Variants in CDK14 observed in about 807,000 individuals in gnomAD.
CDK14 encodes the protein cyclin dependent kinase 14.
Under a neutral mutation model 60.7 loss-of-function variants are expected in CDK14, and 34 were observed. The observed-to-expected ratio is 0.56, with a 90% CI of 0.43 to 0.75. CDK14 has a LOEUF of 0.75. Ranked by LOEUF, CDK14 falls within the 30% of genes least tolerant of loss-of-function variation. CDK14 has a pLI of 0.00. For missense variants in CDK14, 482 were observed against 564.1 expected, an observed-to-expected ratio of 0.85 and a Z score of 1.47; for synonymous variants, 197 against 203.7, an observed-to-expected ratio of 0.97 and a Z score of 0.28.
intron 2 of CDK14, among the ~76,000 whole-genome samples, chr7:90,699,892 CA>C (rs997703181): frequency 1.3e-5 from 2 of 152,102 alleles, no homozygotes; most frequent in Admixed American, 6.5e-5. Flanking sequence ...TCATGTGCTT[CA>C]GGGGAGGACT....
At chr7:91,070,428 A>G (rs779132782) in intron 11 of CDK14, among the ~76,000 whole-genome samples, 2 of 152,208 alleles carry the variant, frequency 1.3e-5, no homozygotes, top group Non-Finnish European at 2.9e-5. Context: ...CTTAGCACAT[A>G]TTAGGAACCA....
intron 7 of CDK14, 80 bp from the exon 8 acceptor site, chr7:90,917,521 T>C: frequency 1.4e-6 from 2 of 1,383,912 alleles, no homozygotes; most frequent in South Asian, 1.5e-5. Context: ...TAAATATTAA[T>C]ACAAGTACTT....
intron 5 of CDK14, among the ~76,000 whole-genome samples, chr7:90,802,071 G>A (rs1424541250): frequency 6.6e-6 from 1 of 152,154 alleles, no homozygotes; most frequent in African/African-American, 2.4e-5. Flanking sequence ...ATAGACTGGA[G>A]GGCTGTTGCA....
intron 12 of CDK14, among the ~76,000 whole-genome samples, chr7:91,083,821 G>A (rs1026886364): frequency 1.3e-5 from 2 of 152,174 alleles, no homozygotes; most frequent in Admixed American, 1.3e-4. Flanking sequence ...GCAAGCAGGT[G>A]CCAGGAGGAC....
chr7:90,911,466 C>T (rs1375715262), intron 7 of CDK14, among the ~76,000 whole-genome samples: 4 of 152,132 alleles, frequency 2.6e-5, no homozygotes, highest in Non-Finnish European at 5.9e-5. Context: ...TTGCTAATGA[C>T]TCCTATTAGT....
intron 10 of CDK14, among the ~76,000 whole-genome samples, chr7:90,990,352 C>T (rs1294931195): frequency 6.6e-6 from 1 of 152,156 alleles, no homozygotes; most frequent in South Asian, 2.1e-4. Context: ...GAGAATTAAA[C>T]AACACCTGTT....
intron 14 of CDK14, among the ~76,000 whole-genome samples, chr7:91,150,215 CT>C: frequency 6.6e-6 from 1 of 152,164 alleles, no homozygotes; most frequent in East Asian, 1.9e-4. Context: ...GCATTTAACC[CT>C]TTTAATGCCA....
At chr7:91,135,434 T>C (rs1800250536) in intron 14 of CDK14, among the ~76,000 whole-genome samples, 1 of 152,048 alleles carries the variant, frequency 6.6e-6, no homozygotes, top group Admixed American at 6.6e-5. Flanking sequence ...AGATATTGAA[T>C]TGGAAGGCTG....
intron 8 of CDK14, among the ~76,000 whole-genome samples, chr7:90,921,305 T>C (rs1793242823): frequency 6.6e-6 from 1 of 152,120 alleles, no homozygotes; most frequent in Non-Finnish European, 1.5e-5. Flanking sequence ...CTGCCTCTCA[T>C]GTGGCTGCCT....
chr7:90,811,085 A>C (rs967662039), intron 5 of CDK14, among the ~76,000 whole-genome samples: 7 of 152,348 alleles, frequency 4.6e-5, no homozygotes, highest in African/African-American at 1.7e-4. Context: ...CAAGCTACCA[A>C]TGACTTTCTT....
chr7:90,825,506 G>A (rs1192102305), intron 5 of CDK14, among the ~76,000 whole-genome samples: 2 of 152,210 alleles, frequency 1.3e-5, no homozygotes, highest in African/African-American at 2.4e-5. Flanking sequence ...TTCAGAGCTA[G>A]AAAACATTTA....
At chr7:90,696,790 C>T (rs1474173373) in intron 2 of CDK14, among the ~76,000 whole-genome samples, 1 of 152,080 alleles carries the variant, frequency 6.6e-6, no homozygotes, top group Non-Finnish European at 1.5e-5. Flanking sequence ...AGGTCCCCAT[C>T]CTGGGACACA....
At chr7:90,942,527 T>A (rs1198228693) in intron 8 of CDK14, among the ~76,000 whole-genome samples, 2 of 152,236 alleles carry the variant, frequency 1.3e-5, no homozygotes, top group African/African-American at 4.8e-5. Context: ...TAGACTTAAA[T>A]GTTACTGCAA....
chr7:91,186,880 T>C (rs1351063398), intron 14 of CDK14, among the ~76,000 whole-genome samples: 1 of 152,166 alleles, frequency 6.6e-6, no homozygotes, highest in Non-Finnish European at 1.5e-5. Flanking sequence ...AGTTATACCT[T>C]TTAAGAGGAG....
At chr7:90,842,144 G>A (rs1404604960) in intron 5 of CDK14, among the ~76,000 whole-genome samples, 2 of 152,036 alleles carry the variant, frequency 1.3e-5, no homozygotes, top group Non-Finnish European at 2.9e-5. Flanking sequence ...TCAAAACGAT[G>A]ACACAGGTTA....
intron 4 of CDK14, among the ~76,000 whole-genome samples, chr7:90,770,257 G>C (rs1026615073): frequency 3.3e-5 from 5 of 152,202 alleles, no homozygotes; most frequent in African/African-American, 1.2e-4. Flanking sequence ...TTACAATGAA[G>C]ATTTGCTACC....
At chr7:91,141,389 A>G (rs1346460590) in intron 14 of CDK14, among the ~76,000 whole-genome samples, 1 of 152,202 alleles carries the variant, frequency 6.6e-6, no homozygotes, top group Admixed American at 6.5e-5. Flanking sequence ...AGGTGAGGAT[A>G]ATTAGGCCAA....
intron 8 of CDK14, among the ~76,000 whole-genome samples, chr7:90,926,919 A>G (rs1793434575): frequency 6.6e-6 from 1 of 152,158 alleles, no homozygotes; most frequent in Non-Finnish European, 1.5e-5. Flanking sequence ...GCACTCAGGA[A>G]CACATTTGCT....
At chr7:91,096,065 C>CAAAAAAAAAAAA (rs112016367) in intron 12 of CDK14, among the ~76,000 whole-genome samples, 4 of 64,556 alleles carry the variant, frequency 6.2e-5, no homozygotes, top group African/African-American at 6.4e-5. Context: ...CACAATTTGC[C>CAAAAAAAAAAAA]AAAAAAAAAA....
Sources: allele counts gnomAD v4.1 joint callset (sites outside exome capture counted in the v4.1 genomes callset), GRCh38; gene constraint gnomAD v4.1.1; transcripts MANE v1.5; gene names NCBI Gene and HGNC (gene_info 2026-07-23, HGNC 2026-07-21).